Variants in SYT2 observed in about 807,000 individuals in gnomAD.
SYT2 encodes the protein synaptotagmin 2.
A neutral mutation model predicts 39.9 loss-of-function variants in SYT2; 15 were observed. The ratio of observed to expected loss-of-function variants is 0.38; its 90% CI spans 0.25 to 0.58. The LOEUF (loss-of-function observed/expected upper bound fraction) is 0.58. Among genes scored for constraint, SYT2 ranks in the 20% least tolerant of loss-of-function variants. SYT2 has a pLI of 0.70. For synonymous variants in SYT2, 181 were observed against 204.5 expected (o/e 0.89, Z 0.98); for missense variants, 389 against 530.3 (o/e 0.73, Z 2.62).
chr1:202,627,380 C>T (rs1169440049), intron 1 of SYT2: 1 of 909,296 alleles, frequency 1.1e-6, no homozygotes, highest in African/African-American at 1.8e-5. Flanking sequence ...CAGGAACTGC[C>T]CCCCAACTCT....
At chr1:202,618,416 T>TTTGTGTGTGTGCGC (rs1691110212) in intron 1 of SYT2, among the ~76,000 whole-genome samples, 1 of 151,772 alleles carries the variant, frequency 6.6e-6, no homozygotes, top group African/African-American at 2.4e-5. Context: ...TGTGTGTGTG[T>TTTGTGTGTGTGCGC]GTGTGTGTGT....
chr1:202,661,963 T>C (rs968918275), intron 1 of SYT2, among the ~76,000 whole-genome samples: 1 of 152,246 alleles, frequency 6.6e-6, no homozygotes, highest in African/African-American at 2.4e-5. Flanking sequence ...CATACAAGGA[T>C]GACAAGCTGT....
In SYT2 at chr1:202,601,925, C is replaced by G; in HGVS notation, c.766G>C (p.Glu256Gln). ...NTVDLGQPIEEWRDLQGGEKE... is the reference protein window; with the variant it reads ...NTVDLGQPIEQWRDLQGGEKE... The stretch of plus-strand genomic sequence containing the variant: ...TCCCCGCCTTGCAGGTCTCTCCACT[C>G]CTCAATGGGCTGGCCGAGGTCCACT... Residue 256 changes from glutamate (E) to glutamine (Q), a missense_variant, in exon 6 of 9, where the codon GAG becomes CAG. By Grantham distance (29) the Glu-to-Gln change is conservative (BLOSUM62 2). This residue lies in a region of SYT2 where 280 missense variants were observed against 335.6 expected (regional missense o/e 0.83). Coordinates refer to ENST00000367268, the MANE Select transcript of SYT2 (RefSeq NM_177402.5). The surrounding 1 kb of genome is among the most constrained non-coding windows in gnomAD (Gnocchi z 4.0). 1 of 1,614,178 alleles carries G rather than the reference C, an allele frequency of 6.2e-7. No homozygotes were observed. Among genetic ancestry groups the G allele is most frequent in the Non-Finnish European group, 8.5e-7 (1 of 1,180,018 alleles).
At chr1:202,650,316 G>T (rs191649854) in intron 1 of SYT2, among the ~76,000 whole-genome samples, 1 of 152,198 alleles carries the variant, frequency 6.6e-6, no homozygotes, top group African/African-American at 2.4e-5. Flanking sequence ...GTGCTTGCAC[G>T]CAGTGACACT....
At chr1:202,653,286 T>C (rs986370174) in intron 1 of SYT2, among the ~76,000 whole-genome samples, 17 of 152,128 alleles carry the variant, frequency 1.1e-4, no homozygotes, top group Non-Finnish European at 2.5e-4. Flanking sequence ...TACTTAGATA[T>C]ATAGATTCAC....
intron 5 of SYT2, 64 bp downstream of exon 5, chr1:202,602,314 G>C: frequency 6.5e-7 from 1 of 1,529,582 alleles, no homozygotes; most frequent in Non-Finnish European, 9.0e-7. Flanking sequence ...GGAAAGGTCT[G>C]TAGAACTCAG....
rs1176267469 is a variant in SYT2, at chr1:202,614,322, G to T, written c.-17-8533C>A. Among the ~76,000 whole-genome samples the T allele has an allele frequency of 3.3e-5, 5 of 152,212 alleles. No individual in the cohort carries two copies. The East Asian group carries it at 9.6e-4, about 29-fold the overall frequency. On this transcript the variant is annotated intron_variant, in intron 1 of 8. Coordinates refer to ENST00000367268, the MANE Select transcript of SYT2 (RefSeq NM_177402.5). The surrounding 1 kb of genome is among the most constrained non-coding windows in gnomAD (Gnocchi z 4.0). The stretch of plus-strand genomic sequence containing the variant: ...AGCAGGAACCACTGAAGGGTGCTGA[G>T]CAGTTATAAGTGGGGTTTGTGAAGT...
intron 1 of SYT2, among the ~76,000 whole-genome samples, chr1:202,621,810 G>T (rs1691209659): frequency 1.3e-5 from 2 of 152,198 alleles, no homozygotes; most frequent in East Asian, 1.9e-4. Context: ...GTCTCCTCTA[G>T]CAGGCTTCTG....
At chr1:202,633,935 A>G (rs1483201603) in intron 1 of SYT2, among the ~76,000 whole-genome samples, 1 of 152,186 alleles carries the variant, frequency 6.6e-6, no homozygotes, top group Non-Finnish European at 1.5e-5. Flanking sequence ...GGCACCTACT[A>G]CAGTCAGGCT....
At chr1:202,681,809 T>G (rs1275490172) in intron 1 of SYT2, among the ~76,000 whole-genome samples, 1 of 152,214 alleles carries the variant, frequency 6.6e-6, no homozygotes, top group Non-Finnish European at 1.5e-5. Flanking sequence ...GAAGGATTCA[T>G]GTCTCCCAGC....
chr1:202,691,149 C>T (rs181751494), intron 1 of SYT2, among the ~76,000 whole-genome samples: 17 of 152,268 alleles, frequency 1.1e-4, no homozygotes, highest in Admixed American at 9.2e-4. Context: ...GGGAGATAGG[C>T]GGTAACCTAA....
chr1:202,668,960 G>C (rs1490767708), intron 1 of SYT2, among the ~76,000 whole-genome samples: 1 of 152,228 alleles, frequency 6.6e-6, no homozygotes, highest in Non-Finnish European at 1.5e-5. Context: ...AGGAAATCTT[G>C]TAGTAATCAG....
chr1:202,680,268 T>C (rs1653491192), intron 1 of SYT2, among the ~76,000 whole-genome samples: 3 of 152,216 alleles, frequency 2.0e-5, no homozygotes, highest in Admixed American at 1.3e-4. Flanking sequence ...GGTGCTGAAA[T>C]GGGGAACTAG....
Position 202,614,155 on chromosome 1 carries a change from G to A in SYT2, c.-17-8366C>T, listed in dbSNP as rs1434533827. ...GTCCTGTAGCAAAGTAAAGCTGCTT[G>A]GTGTCAAATAAACCAGCCAGGAATG... On this transcript the variant is annotated intron_variant, in intron 1 of 8. Coordinates refer to ENST00000367268, the MANE Select transcript of SYT2 (RefSeq NM_177402.5). The surrounding 1 kb of genome is among the most constrained non-coding windows in gnomAD (Gnocchi z 4.0). Among the ~76,000 whole-genome samples, 1 of 152,122 alleles carries A rather than the reference G, an allele frequency of 6.6e-6. No individual in the cohort carries two copies.
intron 1 of SYT2, among the ~76,000 whole-genome samples, chr1:202,703,068 T>A (rs1204949290): frequency 6.6e-6 from 1 of 152,116 alleles, no homozygotes; most frequent in African/African-American, 2.4e-5. Context: ...GCACAACACA[T>A]CTGGATCATT....
intron 1 of SYT2, among the ~76,000 whole-genome samples, chr1:202,689,538 C>T (rs528219921): frequency 1.3e-5 from 2 of 152,010 alleles, no homozygotes; most frequent in Non-Finnish European, 2.9e-5. Flanking sequence ...GGGAGGAGTC[C>T]GGCTCCACAA....
rs1456708306 is a variant in SYT2, at chr1:202,628,590, G to A, written c.-17-22801C>T. ...CATGCAAGTCCCGGGGGCACAATTA[G>A]GTGCTCCAAAGAAGCCAGCTCTCTC... On this transcript the variant is annotated intron_variant, in intron 1 of 8. Transcript: ENST00000367268. The surrounding 1 kb of genome is among the most constrained non-coding windows in gnomAD (Gnocchi z 4.2). 6.6e-6 allele frequency among the ~76,000 whole-genome samples: 1 copy of A among 152,204 alleles called. No homozygotes were observed. The highest frequency in any genetic ancestry group is 1.5e-5 in the Non-Finnish European group (1 of 68,044).
At chr1:202,659,856 G>A (rs1692346520) in intron 1 of SYT2, among the ~76,000 whole-genome samples, 1 of 152,176 alleles carries the variant, frequency 6.6e-6, no homozygotes, top group Admixed American at 6.5e-5. Flanking sequence ...TGACATGTAA[G>A]TTGGGGGTGA....
intron 1 of SYT2, among the ~76,000 whole-genome samples, chr1:202,666,995 G>A (rs771371378): frequency 1.4e-4 from 22 of 151,916 alleles, no homozygotes; most frequent in Non-Finnish European, 8.8e-5. Flanking sequence ...AAAACAAAAC[G>A]TACAAAACAA....
Sources: allele counts gnomAD v4.1 joint callset (sites outside exome capture counted in the v4.1 genomes callset), GRCh38; gene constraint gnomAD v4.1.1; regional missense constraint gnomAD v4.1.1; non-coding constraint Gnocchi (gnomAD v3.1); transcripts MANE v1.5; gene names NCBI Gene and HGNC (gene_info 2026-07-23, HGNC 2026-07-21).